MYO5B: variants seen among roughly 807,000 people sequenced by gnomAD.
MYO5B encodes unconventional myosin-Vb.
In MYO5B, 143 loss-of-function variants were observed where a neutral mutation model predicts 229.3. The observed-to-expected ratio is 0.62, with a 90% confidence interval of 0.54 to 0.72. The LOEUF (loss-of-function observed/expected upper bound fraction) is 0.72. Among genes scored for constraint, MYO5B ranks in the 30% least tolerant of loss-of-function variants. The probability of loss-of-function intolerance (pLI) is 0.00; values close to 1 mark genes in which losing one functional copy is unlikely to be tolerated. For missense variants in MYO5B, 2,321 were observed against 2,331.0 expected, an observed-to-expected ratio of 1.00 and a Z score of 0.09; for synonymous variants, 918 against 885.2, an observed-to-expected ratio of 1.04 and a Z score of -0.66.
Position 49,954,404 on chromosome 18 carries a change from T to C in MYO5B, c.1577A>G (p.Gln526Arg). The change falls in exon 13 of 40, where the codon CAG becomes CGG. Residue 526 changes from glutamine (Q) to arginine (R), a missense_variant. Coordinates refer to ENST00000285039, the MANE Select transcript of MYO5B (RefSeq NM_001080467.3). ...VPKGTDQNWA[Q>R]KLYDRHSSSQ... ...GCTGGAGTGCCGGTCATAGAGCTTC[T>C]GAGCCCAGTTCTGGTCAGTTCCTTT... The C allele has an allele frequency of 3.1e-6, 5 of 1,614,046 alleles. No individual in the cohort carries two copies. Among genetic ancestry groups the C allele is most frequent in the Non-Finnish European group, 4.2e-6 (5 of 1,179,962 alleles).
At chr18:49,982,214 T>A (rs1335800810) in intron 8 of MYO5B, among the ~76,000 whole-genome samples, 2 of 152,128 alleles carry the variant, frequency 1.3e-5, no homozygotes, top group African/African-American at 4.8e-5. Context: ...GGGACAGGTG[T>A]GTGCCAACAT....
Position 50,027,084 on chromosome 18 carries a change from A to G in MYO5B, c.455+9766T>C, listed in dbSNP as rs375778255. The stretch of plus-strand genomic sequence containing the variant: ...TAAATGTGAAAATACACAGTAGAAA[A>G]AGAAAGAGTGGTTAACACAGCATGA... On this transcript the variant is annotated intron_variant, in intron 4 of 39. Transcript: ENST00000285039. Among the ~76,000 whole-genome samples the G allele has an allele frequency of 3.0e-4, 46 of 152,346 alleles. No homozygotes were observed. The East Asian group carries it at 4.0e-3, about 13-fold the overall frequency.
At chr18:50,163,300 G>T (rs2032797195) in intron 1 of MYO5B, among the ~76,000 whole-genome samples, 2 of 152,206 alleles carry the variant, frequency 1.3e-5, no homozygotes, top group Admixed American at 6.5e-5. Flanking sequence ...TTGCAGTGGG[G>T]AGAGAGCTCG....
intron 1 of MYO5B, among the ~76,000 whole-genome samples, chr18:50,117,881 G>A (rs957115417): frequency 1.3e-5 from 2 of 152,110 alleles, no homozygotes; most frequent in Non-Finnish European, 2.9e-5. Context: ...AGGGGCTCAC[G>A]ATCTGGCTTT....
intron 1 of MYO5B, among the ~76,000 whole-genome samples, chr18:50,113,094 A>G (rs1022844410): frequency 2.6e-5 from 4 of 152,186 alleles, no homozygotes; most frequent in Non-Finnish European, 4.4e-5. Flanking sequence ...GTGTGCCTCA[A>G]TTCCCTGCCC....
intron 1 of MYO5B, among the ~76,000 whole-genome samples, chr18:50,100,256 A>T (rs2031629950): frequency 6.6e-6 from 1 of 152,242 alleles, no homozygotes; most frequent in Admixed American, 6.5e-5. Context: ...TTTATGAGAC[A>T]TCTGCTTCTG....
At chr18:50,123,950 C>T (rs1358317154) in intron 1 of MYO5B, among the ~76,000 whole-genome samples, 1 of 152,160 alleles carries the variant, frequency 6.6e-6, no homozygotes. Flanking sequence ...CAGAAGGCAT[C>T]CTTTTCTCCC....
At chr18:49,992,043 A>G (rs2025939147) in intron 6 of MYO5B, among the ~76,000 whole-genome samples, 1 of 152,238 alleles carries the variant, frequency 6.6e-6, no homozygotes, top group African/African-American at 2.4e-5. Context: ...GAGCTAACAC[A>G]TAAGAGGCAT....
intron 22 of MYO5B, among the ~76,000 whole-genome samples, chr18:49,885,938 T>C (rs2024637425): frequency 6.6e-6 from 1 of 152,162 alleles, no homozygotes; most frequent in Admixed American, 6.5e-5. Flanking sequence ...CCAAGCACTT[T>C]GTTAACACCC....
intron 17 of MYO5B, among the ~76,000 whole-genome samples, chr18:49,914,285 G>T (rs1179522406): frequency 3.9e-5 from 6 of 152,034 alleles, no homozygotes; most frequent in Admixed American, 3.9e-4. Context: ...TTCCATAAGG[G>T]GTTTGAGCTT....
chr18:49,920,374 A>C (rs569538151), intron 17 of MYO5B, among the ~76,000 whole-genome samples: 1 of 152,342 alleles, frequency 6.6e-6, no homozygotes, highest in Admixed American at 6.5e-5. Flanking sequence ...AGTAATACAT[A>C]CAAGTTTTCA....
chr18:50,063,630 T>C (rs766205669), intron 1 of MYO5B, among the ~76,000 whole-genome samples: 19 of 152,302 alleles, frequency 1.2e-4, no homozygotes, highest in Middle Eastern at 6.8e-3. Flanking sequence ...CATAGTCACA[T>C]AGCACAATTA....
At chr18:49,898,745 T>C (rs1475665841) in intron 21 of MYO5B, among the ~76,000 whole-genome samples, 1 of 152,202 alleles carries the variant, frequency 6.6e-6, no homozygotes, top group Non-Finnish European at 1.5e-5. Context: ...CTGTTACTGT[T>C]TGCATAGAAA....
In MYO5B at chr18:50,194,803, C is replaced by A; in HGVS notation, c.-10G>T. 7.4e-7 allele frequency: 1 copy of A among 1,358,742 alleles called. No homozygotes were observed. Among genetic ancestry groups the A allele is most frequent in the Non-Finnish European group, 9.4e-7 (1 of 1,058,822 alleles). 84.2% of individuals were successfully genotyped at this position (1,358,742 alleles called of 1,614,324 possible). On this transcript the variant is annotated 5_prime_UTR_variant, in exon 1 of 40. Coordinates refer to ENST00000285039, the MANE Select transcript of MYO5B (RefSeq NM_001080467.3). ...GCTCGCCCACCGACATGGCCCGGGC[C>A]GGGCGGGGCTCGGGCCCCGGCTCCT...
chr18:49,911,266 G>A (rs553631479), intron 18 of MYO5B, among the ~76,000 whole-genome samples: 1 of 152,310 alleles, frequency 6.6e-6, no homozygotes, highest in South Asian at 2.1e-4. Flanking sequence ...GCAGTTAGCA[G>A]TAGCCTCATC....
At chr18:49,906,716 G>A (rs1301625851) in intron 18 of MYO5B, 86 bp from the exon 19 acceptor site, 2 of 1,228,322 alleles carry the variant, frequency 1.6e-6, no homozygotes, top group Non-Finnish European at 2.4e-6. Context: ...TTCCCATGCA[G>A]AATCCCCTGG....
At chr18:50,037,056 A>C in intron 3 of MYO5B, 62 bp from the exon 4 acceptor site, 1,066 of 1,579,966 alleles carry the variant, frequency 6.7e-4, no homozygotes, top group Non-Finnish European at 8.4e-4. Flanking sequence ...TTATTAGCTC[A>C]AGGCACCCAT....
chr18:49,883,167 A>C (rs963139169), intron 22 of MYO5B, among the ~76,000 whole-genome samples: 10 of 152,242 alleles, frequency 6.6e-5, no homozygotes, highest in African/African-American at 2.4e-4. Flanking sequence ...CATTGTACTG[A>C]AGGTTCTAGC....
intron 1 of MYO5B, among the ~76,000 whole-genome samples, chr18:50,066,110 T>A (rs186120793): frequency 6.6e-6 from 1 of 152,204 alleles, no homozygotes; most frequent in Non-Finnish European, 1.5e-5. Flanking sequence ...ATTTCAAACA[T>A]GGGAAAGGAC....
Sources: allele counts gnomAD v4.1 joint callset (sites outside exome capture counted in the v4.1 genomes callset), GRCh38; gene constraint gnomAD v4.1.1; transcripts MANE v1.5; gene names NCBI Gene and HGNC (gene_info 2026-07-23, HGNC 2026-07-21).